KIF26B: variants seen among roughly 807,000 people sequenced by gnomAD.
The protein encoded by KIF26B is kinesin family member 26B, also known as kinesin-like protein KIF26B.
A neutral mutation model predicts 151.2 loss-of-function variants in KIF26B; 63 were observed. The ratio of observed to expected loss-of-function variants is 0.42; its 90% CI spans 0.34 to 0.51. The LOEUF is 0.51. KIF26B is among the 20% of genes least tolerant of loss of function. KIF26B has a pLI of 0.07. For synonymous variants in KIF26B, 1,357 were observed against 1,262.1 expected (o/e 1.08, Z -1.59); for missense variants, 2,813 against 2,913.6 (o/e 0.97, Z 0.79).
At chr1:245,612,011 C>T (rs372487449) in intron 9 of KIF26B, 35 bp downstream of exon 9, 77 of 1,596,232 alleles carry the variant, frequency 4.8e-5, no homozygotes, top group Middle Eastern at 1.7e-4. Context: ...GCCTCCTTAG[C>T]GGCTCTGGCC....
chr1:245,583,340 A>C (rs973210025), intron 5 of KIF26B, among the ~76,000 whole-genome samples: 3 of 152,108 alleles, frequency 2.0e-5, no homozygotes, highest in African/African-American at 7.2e-5. Flanking sequence ...CAAGGCACTC[A>C]CAGCCTTACA....
Position 245,367,037 on chromosome 1 carries a change from G to T in KIF26B, c.669G>T (p.Pro223=), listed in dbSNP as rs768194265. The T allele has an allele frequency of 6.2e-6, 10 of 1,610,412 alleles. 1 individual carries two copies. In the South Asian group the frequency reaches 1.1e-4, roughly 18 times the overall value. ...ACGCCTCGCCCTGCTCCCCGCCACC[G>T]CTCTCCAACATCCCCACCCTGGTGG... ...HYDASPCSPP[P]LSNIPTLVGS... Residue 223 remains proline, a synonymous_variant, in exon 3 of 15, where the codon CCG becomes CCT. Transcript: ENST00000407071. This position sits in a 1 kb window ranked among gnomAD's most constrained non-coding sequence, Gnocchi z 4.2.
intron 10 of KIF26B, among the ~76,000 whole-genome samples, chr1:245,673,183 G>A (rs1268657312): frequency 2.2e-5 from 2 of 92,752 alleles, no homozygotes; most frequent in South Asian, 1.2e-3. Flanking sequence ...CCCGCTGCGC[G>A]CTGCCATCTT....
chr1:245,433,727 A>G (rs1572059117), intron 4 of KIF26B, among the ~76,000 whole-genome samples: 2 of 152,152 alleles, frequency 1.3e-5, no homozygotes, highest in Admixed American at 1.3e-4. Context: ...TGGCAATTAG[A>G]TGCTTTTTTT....
At chr1:245,521,098 G>C (rs532177486) in intron 4 of KIF26B, among the ~76,000 whole-genome samples, 7 of 152,198 alleles carry the variant, frequency 4.6e-5, no homozygotes, top group Non-Finnish European at 1.0e-4. Flanking sequence ...AGCATTTTGG[G>C]AGGCCGAGGC....
In KIF26B at chr1:245,698,729, TGAG is replaced by T. The variant is rs1162321488; in HGVS notation, c.6028-156_6028-154del. Among the ~76,000 whole-genome samples, 2 of 152,152 alleles carry T rather than the reference TGAG, an allele frequency of 1.3e-5. No homozygotes were observed. The highest frequency in any genetic ancestry group is 2.9e-5 in the Non-Finnish European group (2 of 68,030). On this transcript the variant is annotated intron_variant, in intron 13 of 14. Transcript: ENST00000407071. This position sits in a 1 kb window ranked among gnomAD's most constrained non-coding sequence, Gnocchi z 4.0. ...GTCCTACCTTGTGAGGTGTCTGAAT[TGAG>T]GTCTGTCAAGGGAGAATTTGGTGGG... is the stretch of plus-strand genomic sequence containing the variant.
At chr1:245,515,604 A>T (rs1660944176) in intron 4 of KIF26B, among the ~76,000 whole-genome samples, 3 of 152,202 alleles carry the variant, frequency 2.0e-5, no homozygotes, top group Admixed American at 2.0e-4. Flanking sequence ...TTTTTATACC[A>T]ATATTTTAGT....
rs1038502239 is a variant in KIF26B, at chr1:245,700,430, G to A, written c.6178+1393G>A. Among the ~76,000 whole-genome samples the A allele has an allele frequency of 3.9e-5, 6 of 152,068 alleles. No individual in the cohort carries two copies. In the South Asian group the frequency reaches 6.2e-4, roughly 16 times the overall value. On this transcript the variant is annotated intron_variant, in intron 14 of 14. Coordinates refer to ENST00000407071, the MANE Select transcript of KIF26B (RefSeq NM_018012.4). The stretch of plus-strand genomic sequence containing the variant: ...TTCCTGGCCAGGCACGGTGGCTCAC[G>A]CCTGTAATCCCAGCACCTTGGGAGG...
chr1:245,586,905 AAAAACATC>A (rs1184356604), intron 5 of KIF26B, among the ~76,000 whole-genome samples: 35 of 151,716 alleles, frequency 2.3e-4, no homozygotes, highest in Admixed American at 2.6e-4. Context: ...AAAAAAAAAA[AAAAACATC>A]AAACAATACT....
At chr1:245,644,287 T>C (rs2103183805) in intron 9 of KIF26B, among the ~76,000 whole-genome samples, 1 of 152,280 alleles carries the variant, frequency 6.6e-6, no homozygotes, top group African/African-American at 2.4e-5. Context: ...TCATCTACTA[T>C]ATTTTTTTTA....
intron 2 of KIF26B, among the ~76,000 whole-genome samples, chr1:245,288,801 T>C (rs191155285): frequency 1.4e-4 from 21 of 152,324 alleles, no homozygotes; most frequent in Admixed American, 6.5e-4. Flanking sequence ...GATTTTTTTT[T>C]CCTAAAATAT....
intron 10 of KIF26B, among the ~76,000 whole-genome samples, chr1:245,679,061 G>A (rs1275009657): frequency 6.6e-6 from 1 of 152,058 alleles, no homozygotes. Flanking sequence ...CTGTTTCCCG[G>A]TTACTCTAGA....
intron 2 of KIF26B, among the ~76,000 whole-genome samples, chr1:245,267,990 C>T (rs1670778084): frequency 6.6e-6 from 1 of 152,050 alleles, no homozygotes; most frequent in Admixed American, 6.6e-5. Context: ...CCAGGAAGAT[C>T]CTTAAAGACT....
At chr1:245,356,513 C>A (rs892229193) in intron 2 of KIF26B, among the ~76,000 whole-genome samples, 3 of 151,986 alleles carry the variant, frequency 2.0e-5, no homozygotes, top group Non-Finnish European at 4.4e-5. Flanking sequence ...GCCGAGATTG[C>A]ACCATTGTAC....
intron 2 of KIF26B, among the ~76,000 whole-genome samples, chr1:245,180,775 A>G (rs1668892536): frequency 6.6e-6 from 1 of 152,062 alleles, no homozygotes; most frequent in Non-Finnish European, 1.5e-5. Context: ...ACATTCATAC[A>G]CTTGTTCGTG....
intron 4 of KIF26B, among the ~76,000 whole-genome samples, chr1:245,530,869 T>C (rs1467321055): frequency 6.6e-6 from 1 of 152,218 alleles, no homozygotes; most frequent in African/African-American, 2.4e-5. Context: ...TATAGCTTAT[T>C]GATTGCATAG....
intron 6 of KIF26B, 32 bp from the exon 7 acceptor site, chr1:245,607,619 T>C (rs1405356943): frequency 6.4e-7 from 1 of 1,569,556 alleles, no homozygotes; most frequent in South Asian, 1.2e-5. Flanking sequence ...CGAGGTCCAT[T>C]CACGGCTCGT....
intron 4 of KIF26B, among the ~76,000 whole-genome samples, chr1:245,499,205 C>T (rs2103077798): frequency 6.6e-6 from 1 of 152,126 alleles, no homozygotes; most frequent in Middle Eastern, 3.4e-3. Context: ...TTAGCGTTGA[C>T]TCATATTAAA....
chr1:245,645,009 G>C (rs1424279010), intron 9 of KIF26B, among the ~76,000 whole-genome samples: 2 of 152,122 alleles, frequency 1.3e-5, no homozygotes, highest in Non-Finnish European at 2.9e-5. Flanking sequence ...AGAGAGAGCA[G>C]GAGAGAGAAG....
Sources: allele counts gnomAD v4.1 joint callset (sites outside exome capture counted in the v4.1 genomes callset), GRCh38; gene constraint gnomAD v4.1.1; non-coding constraint Gnocchi (gnomAD v3.1); transcripts MANE v1.5; gene names NCBI Gene and HGNC (gene_info 2026-07-23, HGNC 2026-07-21).